Variants in RABGAP1 observed in about 807,000 individuals in gnomAD.
RABGAP1 encodes the protein rab GTPase-activating protein 1.
In RABGAP1, 23 loss-of-function variants were observed where a neutral mutation model predicts 137.6. The ratio of observed to expected loss-of-function variants is 0.17; its 90% CI spans 0.12 to 0.24. The LOEUF (loss-of-function observed/expected upper bound fraction) is 0.24, where lower values mean the gene tolerates loss of function less well. Among genes scored for constraint, RABGAP1 ranks in the 10% least tolerant of loss-of-function variants. The pLI is 1.00. For missense variants in RABGAP1, 906 were observed against 1,275.8 expected (o/e 0.71, Z 4.42); for synonymous variants, 451 against 450.7 (o/e 1.00, Z -0.01).
chr9:123,044,875 G>C (rs2033137525), intron 13 of RABGAP1, among the ~76,000 whole-genome samples: 1 of 151,998 alleles, frequency 6.6e-6, no homozygotes. Flanking sequence ...CCCCCTCCTT[G>C]AATGAGATTT....
At chr9:122,958,036 A>T in intron 2 of RABGAP1, among the ~76,000 whole-genome samples, 1 of 152,204 alleles carries the variant, frequency 6.6e-6, no homozygotes, top group Admixed American at 6.5e-5. Context: ...AAGCACTCCC[A>T]GGTTCACACC....
intron 2 of RABGAP1, among the ~76,000 whole-genome samples, chr9:122,959,193 A>G (rs1412908160): frequency 2.6e-5 from 4 of 152,244 alleles, no homozygotes; most frequent in East Asian, 1.9e-4. Flanking sequence ...ATCTGGGAAA[A>G]GAGCTTTCCA....
chr9:123,059,939 C>T (rs2033902290), intron 13 of RABGAP1, among the ~76,000 whole-genome samples: 1 of 152,196 alleles, frequency 6.6e-6, no homozygotes, highest in Admixed American at 6.5e-5. Context: ...TAAGATGAAG[C>T]ATGGGTCTGC....
At chr9:122,955,241 T>C (rs1174158277) in intron 1 of RABGAP1, among the ~76,000 whole-genome samples, 3 of 152,212 alleles carry the variant, frequency 2.0e-5, no homozygotes, top group African/African-American at 7.2e-5. Context: ...CATAATTTTC[T>C]TTACCCTAAA....
Position 122,990,184 on chromosome 9 carries a change from A to C in RABGAP1, c.894A>C (p.Ile298=). The C allele has an allele frequency of 1.2e-6, 2 of 1,610,126 alleles. No individual in the cohort carries two copies. Among genetic ancestry groups the C allele is most frequent in the Non-Finnish European group, 1.7e-6 (2 of 1,176,884 alleles). ...DIFTFSVSLE[I]KEDDGKGYFS... is the part of the protein sequence containing the mutation. ...TTACCTTCTCTGTGTCTTTAGAAAT[A>C]AAAGAAGATGATGGTAAAGGTTATT... Residue 298 remains isoleucine, a synonymous_variant, in exon 6 of 26, where the codon ATA becomes ATC. Transcript: ENST00000373647.
intron 2 of RABGAP1, among the ~76,000 whole-genome samples, chr9:122,966,380 C>G (rs771686353): frequency 6.6e-6 from 1 of 151,780 alleles, no homozygotes; most frequent in African/African-American, 2.4e-5. Context: ...CAAAATTAGC[C>G]GGTCATGGTG....
intron 13 of RABGAP1, among the ~76,000 whole-genome samples, chr9:123,063,535 G>T (rs2034058958): frequency 6.6e-6 from 1 of 152,188 alleles, no homozygotes; most frequent in Non-Finnish European, 1.5e-5. Flanking sequence ...AGTTCCAGTT[G>T]TTTCTTATCC....
intron 19 of RABGAP1, among the ~76,000 whole-genome samples, chr9:123,077,652 T>C (rs926541190): frequency 6.6e-6 from 1 of 150,376 alleles, no homozygotes; most frequent in African/African-American, 2.5e-5. Context: ...TTGTATTGTA[T>C]TGTATTGTAT....
intron 17 of RABGAP1, among the ~76,000 whole-genome samples, chr9:123,075,383 G>C (rs2132155842): frequency 6.6e-6 from 1 of 151,950 alleles, no homozygotes; most frequent in South Asian, 2.1e-4. Flanking sequence ...TCATATACTT[G>C]AACATACACA....
At chr9:123,094,085 G>C (rs916516673) in intron 21 of RABGAP1, among the ~76,000 whole-genome samples, 32 of 152,186 alleles carry the variant, frequency 2.1e-4, no homozygotes, top group Admixed American at 1.9e-3. Flanking sequence ...GTTGGTCTTT[G>C]TGTTGTGACC....
At chr9:122,996,728 C>G (rs1035226634) in intron 8 of RABGAP1, 123 bp downstream of exon 8, 11 of 809,086 alleles carry the variant, frequency 1.4e-5, no homozygotes, top group Non-Finnish European at 2.1e-5. Flanking sequence ...GCTATAAAGA[C>G]AACATGCAAA....
Position 123,102,337 on chromosome 9 carries a change from C to A in RABGAP1, c.3087+574C>A, listed in dbSNP as rs542500130. ...TCTTAATACACATTGCTAGGTCCAC[C>A]AGCACCACTAAACCCTAAGCACTGT... On this transcript the variant is annotated intron_variant, in intron 25 of 25. Transcript: ENST00000373647. Among the ~76,000 whole-genome samples the A allele has an allele frequency of 2.0e-5, 3 of 152,250 alleles. No individual in the cohort carries two copies. The East Asian group carries it at 5.8e-4, about 29-fold the overall frequency.
chr9:123,028,146 A>G (rs779185182), intron 13 of RABGAP1, among the ~76,000 whole-genome samples: 10 of 152,248 alleles, frequency 6.6e-5, no homozygotes, highest in Admixed American at 2.0e-4. Context: ...CCTAATAATT[A>G]TAGGTGAGTT....
intron 13 of RABGAP1, among the ~76,000 whole-genome samples, chr9:123,039,700 T>A (rs1389591433): frequency 2.6e-5 from 4 of 152,206 alleles, no homozygotes; most frequent in African/African-American, 9.6e-5. Flanking sequence ...GCTTTCAAAT[T>A]GCCAGTTTTT....
At chr9:123,021,181 C>T (rs1169245567) in intron 13 of RABGAP1, among the ~76,000 whole-genome samples, 1 of 150,390 alleles carries the variant, frequency 6.6e-6, no homozygotes, top group East Asian at 1.9e-4. Context: ...TCAGAATCTT[C>T]AAGAATATAG....
intron 21 of RABGAP1, among the ~76,000 whole-genome samples, chr9:123,095,430 A>G (rs185153895): frequency 8.9e-4 from 135 of 152,226 alleles, no homozygotes; most frequent in African/African-American, 2.9e-3. Flanking sequence ...GCCAGGCACA[A>G]TGGCTCATGC....
chr9:122,984,752 G>C, intron 3 of RABGAP1, 33 bp downstream of exon 3: 3 of 1,588,508 alleles, frequency 1.9e-6, no homozygotes, highest in Non-Finnish European at 2.6e-6. Context: ...CGTAACTGAA[G>C]GTTATTGTTT....
At chr9:122,994,705 A>G (rs1405556434) in intron 6 of RABGAP1, among the ~76,000 whole-genome samples, 1 of 152,214 alleles carries the variant, frequency 6.6e-6, no homozygotes, top group Non-Finnish European at 1.5e-5. Context: ...GTTGTACAGA[A>G]ATAAGATACA....
intron 1 of RABGAP1, among the ~76,000 whole-genome samples, chr9:122,942,135 G>A (rs1222489277): frequency 6.6e-6 from 1 of 152,118 alleles, no homozygotes; most frequent in African/African-American, 2.4e-5. Flanking sequence ...CAATAAGTGA[G>A]TTTCCAGCTG....
Sources: allele counts gnomAD v4.1 joint callset (sites outside exome capture counted in the v4.1 genomes callset), GRCh38; gene constraint gnomAD v4.1.1; transcripts MANE v1.5; gene names NCBI Gene and HGNC (gene_info 2026-07-23, HGNC 2026-07-21).